Variants in GALNT11 observed in about 807,000 individuals in gnomAD.
GALNT11 encodes UDP-GalNAc:polypeptide N-acetylgalactosaminyltransferase 11.
GALNT11 carries 47 observed loss-of-function variants against 72.7 expected under a neutral mutation model. That is an observed-to-expected ratio of 0.65 (90% confidence interval 0.51 to 0.82). The LOEUF (loss-of-function observed/expected upper bound fraction) is 0.82. GALNT11 is among the 40% of genes least tolerant of loss of function. The pLI is 0.00. For missense variants in GALNT11, 677 were observed against 778.4 expected (o/e 0.87, Z 1.55); for synonymous variants, 270 against 286.6 (o/e 0.94, Z 0.58).
At chr7:152,056,376 T>A (rs1260802515) in intron 1 of GALNT11, among the ~76,000 whole-genome samples, 3 of 152,214 alleles carry the variant, frequency 2.0e-5, no homozygotes, top group Non-Finnish European at 4.4e-5. Flanking sequence ...AGACACTGCC[T>A]AAAGTTCCCG....
chr7:152,069,245 A>G (rs1030350956), intron 1 of GALNT11, among the ~76,000 whole-genome samples: 1 of 152,172 alleles, frequency 6.6e-6, no homozygotes, highest in Non-Finnish European at 1.5e-5. Context: ...TTTTCCAGAT[A>G]TCTCCGTTAC....
At chr7:152,084,259 G>A (rs1419293721) in intron 1 of GALNT11, among the ~76,000 whole-genome samples, 1 of 151,068 alleles carries the variant, frequency 6.6e-6, no homozygotes, top group Non-Finnish European at 1.5e-5. Context: ...CTCTCTTCTA[G>A]CTAGGTGTAG....
At chr7:152,080,445 A>G (rs1410550939) in intron 1 of GALNT11, among the ~76,000 whole-genome samples, 2 of 152,250 alleles carry the variant, frequency 1.3e-5, no homozygotes, top group East Asian at 3.8e-4. Context: ...TAAAAGAAAG[A>G]ACAAAGAAAA....
intron 2 of GALNT11, among the ~76,000 whole-genome samples, chr7:152,098,226 T>C (rs1587334115): frequency 6.6e-6 from 1 of 151,938 alleles, no homozygotes. Flanking sequence ...CTGAGGCTGG[T>C]AGATCGCTTG....
chr7:152,114,814 A>G (rs1329521797), intron 8 of GALNT11, among the ~76,000 whole-genome samples: 2 of 152,354 alleles, frequency 1.3e-5, no homozygotes, highest in East Asian at 3.9e-4. Flanking sequence ...GGCGTGAGCC[A>G]CCACGCCTGG....
chr7:152,094,527 G>A lies in GALNT11; in HGVS notation c.295+5G>A. The A allele has an allele frequency of 6.3e-7, 1 of 1,591,014 alleles. No homozygotes were observed. Among genetic ancestry groups the A allele is most frequent in the Non-Finnish European group, 8.6e-7 (1 of 1,167,028 alleles). On this transcript the variant is annotated splice_donor_5th_base_variant and intron_variant, in intron 2 of 11. Transcript: ENST00000430044. The surrounding 1 kb of genome is among the most constrained non-coding windows in gnomAD (Gnocchi z 4.3). ...TGAAATTCTCTTCTGAATTAGGTAA[G>A]TATATGATGTTTACCAGCATCCATA...
At chr7:152,041,418 C>T (rs573088008) in intron 1 of GALNT11, among the ~76,000 whole-genome samples, 1 of 152,302 alleles carries the variant, frequency 6.6e-6, no homozygotes, top group South Asian at 2.1e-4. Flanking sequence ...AGGATCATAT[C>T]CATGTAATTT....
At chr7:152,075,491 G>T (rs1477903806) in intron 1 of GALNT11, among the ~76,000 whole-genome samples, 1 of 152,210 alleles carries the variant, frequency 6.6e-6, no homozygotes, top group Non-Finnish European at 1.5e-5. Context: ...GGTAGCTTTC[G>T]CTTTCCTTAG....
intron 1 of GALNT11, among the ~76,000 whole-genome samples, chr7:152,029,172 G>A (rs1267857613): frequency 1.3e-5 from 2 of 152,170 alleles, no homozygotes; most frequent in African/African-American, 4.8e-5. Context: ...TCCTTTCTCA[G>A]CAGTGAGGAG....
At chr7:152,038,137 C>G (rs2082675165) in intron 1 of GALNT11, among the ~76,000 whole-genome samples, 1 of 152,090 alleles carries the variant, frequency 6.6e-6, no homozygotes, top group South Asian at 2.1e-4. Context: ...CTGCCGAGAC[C>G]AGCTGGGTCA....
At chr7:152,110,914 G>A (rs764369001) in intron 7 of GALNT11, among the ~76,000 whole-genome samples, 14 of 151,782 alleles carry the variant, frequency 9.2e-5, no homozygotes, top group Non-Finnish European at 1.6e-4. Context: ...AGAGATGGGC[G>A]TCTCACTATG....
Position 152,117,327 on chromosome 7 carries a change from T to C in GALNT11, c.1404T>C (p.Ile468=). The change falls in exon 9 of 12, where the codon ATT becomes ATC. Residue 468 remains isoleucine, a synonymous_variant. Transcript: ENST00000430044. ...SGSHAKPQQP[I]FVNRGPKRPK... ...CCCACGCCAAACCCCAACAACCCAT[T>C]TTTGTCAATAGAGGGCCAAAACGAC... 6.2e-7 allele frequency: 1 copy of C among 1,614,140 alleles called. No homozygotes were observed. Among genetic ancestry groups the C allele is most frequent in the Non-Finnish European group, 8.5e-7 (1 of 1,180,014 alleles).
At chr7:152,099,227 C>T (rs1159404738) in intron 2 of GALNT11, among the ~76,000 whole-genome samples, 2 of 152,104 alleles carry the variant, frequency 1.3e-5, no homozygotes, top group African/African-American at 4.8e-5. Flanking sequence ...CAGGCATGAG[C>T]CACCACGCCC....
chr7:152,118,530 C>T, intron 9 of GALNT11, 148 bp from the exon 10 acceptor site: 1 of 651,378 alleles, frequency 1.5e-6, no homozygotes, highest in Non-Finnish European at 2.6e-6. Context: ...GAGGCTAGAA[C>T]TTAGGAATTA....
At chr7:152,069,028 T>C (rs949077256) in intron 1 of GALNT11, among the ~76,000 whole-genome samples, 2 of 152,222 alleles carry the variant, frequency 1.3e-5, no homozygotes, top group Non-Finnish European at 2.9e-5. Context: ...CTTTCTCTGG[T>C]TTTCAGAAGT....
At chr7:152,071,020 T>C (rs1456486045) in intron 1 of GALNT11, among the ~76,000 whole-genome samples, 1 of 151,864 alleles carries the variant, frequency 6.6e-6, no homozygotes, top group Admixed American at 6.6e-5. Flanking sequence ...TCAAGTACTT[T>C]ACAAGGTAAT....
chr7:152,029,448 G>C (rs1262742334), intron 1 of GALNT11, among the ~76,000 whole-genome samples: 1 of 152,176 alleles, frequency 6.6e-6, no homozygotes, highest in East Asian at 1.9e-4. Context: ...GATAGGGTCT[G>C]ATTTCCACAA....
Position 152,120,854 on chromosome 7 carries a change from T to C in GALNT11, c.1581T>C (p.His527=), listed in dbSNP as rs1276396756. 1.9e-6 allele frequency: 3 copies of C among 1,608,802 alleles called. No homozygotes were observed. The highest frequency in any genetic ancestry group is 2.7e-5 in the African/African-American group (2 of 74,936). The change falls in exon 11 of 12, where the codon CAT becomes CAC. Residue 527 remains histidine (H), a synonymous_variant. Coordinates refer to ENST00000430044, the MANE Select transcript of GALNT11 (RefSeq NM_022087.4). ...PNQIWIYNEE[H]ELVLNSLLCL... The stretch of plus-strand genomic sequence containing the variant: ...AGATCTGGATCTATAATGAAGAGCA[T>C]GAATTGGTTTTAAATAGTCTCCTTT...
intron 1 of GALNT11, among the ~76,000 whole-genome samples, chr7:152,067,881 G>A (rs1028214560): frequency 4.6e-5 from 7 of 152,180 alleles, no homozygotes; most frequent in Middle Eastern, 3.4e-3. Context: ...GGAAGGCCTC[G>A]GGAAGCATCC....
Sources: allele counts gnomAD v4.1 joint callset (sites outside exome capture counted in the v4.1 genomes callset), GRCh38; gene constraint gnomAD v4.1.1; non-coding constraint Gnocchi (gnomAD v3.1); transcripts MANE v1.5; gene names NCBI Gene and HGNC (gene_info 2026-07-23, HGNC 2026-07-21).